BIRC6: variants seen among roughly 807,000 people sequenced by gnomAD.
BIRC6 encodes baculoviral IAP repeat containing 6, also known as dual E2 ubiquitin-conjugating enzyme/E3 ubiquitin-protein ligase BIRC6.
In BIRC6, 98 loss-of-function variants were observed where a neutral mutation model predicts 503.3. That is an observed-to-expected ratio of 0.19 (90% CI 0.17 to 0.23). BIRC6 has a LOEUF of 0.23. BIRC6 is among the 10% of genes least tolerant of loss of function. The pLI, the probability that BIRC6 is intolerant of heterozygous loss-of-function variation, is 1.00. For synonymous variants in BIRC6, 2,240 were observed against 2,078.7 expected (o/e 1.08, Z -2.11); for missense variants, 5,360 against 5,806.0 (o/e 0.92, Z 2.50).
chr2:32,551,804 G>A (rs915435272), intron 65 of BIRC6, among the ~76,000 whole-genome samples: 12 of 151,980 alleles, frequency 7.9e-5, no homozygotes, highest in Non-Finnish European at 1.3e-4. Context: ...CTGTAATCTG[G>A]AAGAGTTCCT....
intron 9 of BIRC6, among the ~76,000 whole-genome samples, chr2:32,412,741 A>C (rs2042023215): frequency 6.6e-6 from 1 of 152,092 alleles, no homozygotes; most frequent in Non-Finnish European, 1.5e-5. Context: ...AGAGAGAAGA[A>C]ATGGTGCTTA....
At position 32,529,762 on chromosome 2, in the gene BIRC6, G is replaced by A. The variant is rs756738818; in HGVS notation, c.12032G>A (p.Arg4011Lys). The stretch of plus-strand genomic sequence containing the variant: ...GATCTGACTGTTAAATTGGGATCAA[G>A]AGTTATAACAGACCCCAGTCTATCA... ...SIDLTVKLGS[R>K]VITDPSLSKT... The change falls in exon 60 of 74, where the codon AGA (arginine) becomes AAA (lysine). Residue 4011 changes from arginine to lysine, a missense_variant. Arg to Lys is a conservative substitution (Grantham distance 26, BLOSUM62 2). Around this residue, in one of 16 missense-constraint regions of BIRC6, gnomAD observed 878 missense variants for 928.9 expected, o/e 0.95. Transcript: ENST00000421745. The A allele has an allele frequency of 3.7e-6, 6 of 1,613,250 alleles. No homozygotes were observed. The highest frequency in any genetic ancestry group is 1.7e-5 in the Admixed American group (1 of 59,932).
intron 65 of BIRC6, among the ~76,000 whole-genome samples, chr2:32,555,839 C>G (rs1356303080): frequency 6.7e-6 from 1 of 149,250 alleles, no homozygotes; most frequent in African/African-American, 2.5e-5. Context: ...AAGTGGGATC[C>G]CAGGAGGGCG....
rs552709861 is a variant in BIRC6 at position 32,357,961 on chromosome 2, G to A, written c.325+475G>A. On this transcript the variant is annotated intron_variant, in intron 1 of 73. Transcript: ENST00000421745. This position sits in a 1 kb window ranked among gnomAD's most constrained non-coding sequence, Gnocchi z 4.9. ...CCAAGCCCTCCCTTGTGGGAGAGGAGCCGGCAGTCTGCTGTTCTCAGGTCC... is the reference window on the plus strand; with the variant it reads ...CCAAGCCCTCCCTTGTGGGAGAGGAACCGGCAGTCTGCTGTTCTCAGGTCC... Among the ~76,000 whole-genome samples, 8 of 144,964 alleles carry A rather than the reference G, an allele frequency of 5.5e-5. No homozygotes were observed. In the South Asian group the frequency reaches 1.6e-3, roughly 29 times the overall value.
At chr2:32,461,343 AGTGTGTGTGTGTGT>A (rs373274536) in intron 23 of BIRC6, among the ~76,000 whole-genome samples, 35 of 132,130 alleles carry the variant, frequency 2.6e-4, no homozygotes, top group Admixed American at 1.5e-3. Context: ...ATGCCTGGCT[AGTGTGTGTGTGTGT>A]GTGTGTGTGT....
chr2:32,421,034 A>G (rs1441918235), intron 10 of BIRC6, among the ~76,000 whole-genome samples: 1 of 87,498 alleles, frequency 1.1e-5, no homozygotes, highest in Non-Finnish European at 2.5e-5. Context: ...TTTCCATTTT[A>G]TTGTTATTAT....
At chr2:32,504,207 G>A (rs987117444) in intron 49 of BIRC6, among the ~76,000 whole-genome samples, 4 of 151,750 alleles carry the variant, frequency 2.6e-5, no homozygotes, top group Non-Finnish European at 5.9e-5. Context: ...CCTTAAAGTA[G>A]TACTATCTTT....
At chr2:32,413,176 ATTTTTTTT>A (rs766213127) in intron 9 of BIRC6, among the ~76,000 whole-genome samples, 1 of 122,074 alleles carries the variant, frequency 8.2e-6, no homozygotes, top group Non-Finnish European at 1.7e-5. Context: ...TGCCCGGCTA[ATTTTTTTT>A]TTTTTTTTTT....
intron 3 of BIRC6, among the ~76,000 whole-genome samples, chr2:32,382,366 A>C (rs1432386326): frequency 6.6e-6 from 1 of 152,198 alleles, no homozygotes; most frequent in African/African-American, 2.4e-5. Flanking sequence ...AACCAAACCA[A>C]AACAAAATGC....
chr2:32,433,769 T>A lies in BIRC6; in HGVS notation c.3374T>A (p.Leu1125Gln). 1.9e-6 allele frequency: 3 copies of A among 1,588,650 alleles called. No individual in the cohort carries two copies. Among genetic ancestry groups the A allele is most frequent in the Non-Finnish European group, 2.6e-6 (3 of 1,161,618 alleles). ...TNIPQIQVTL[L>Q]KNKAPGLGKV... ...ATTCCACAGATACAAGTGACACTGC[T>A]GAAAAATAAAGCTCCAGGATTAGGG... Residue 1125 changes from leucine to glutamine, a missense_variant, in exon 13 of 74, where the codon CTG becomes CAG. Transcript: ENST00000421745.
chr2:32,363,329 C>G (rs2034403550), intron 1 of BIRC6, among the ~76,000 whole-genome samples: 1 of 151,676 alleles, frequency 6.6e-6, no homozygotes, highest in African/African-American at 2.4e-5. Context: ...CTCAAACAAA[C>G]AAACAAAAAC....
intron 1 of BIRC6, among the ~76,000 whole-genome samples, chr2:32,358,024 C>T (rs2033406919): frequency 7.4e-5 from 1 of 13,458 alleles, no homozygotes; most frequent in African/African-American, 3.7e-4. Context: ...GTGCGCCCAG[C>T]GTGGGGGTGG....
chr2:32,607,921 G>A (rs1350127609), intron 72 of BIRC6, among the ~76,000 whole-genome samples: 3 of 127,712 alleles, frequency 2.3e-5, no homozygotes, highest in Non-Finnish European at 4.6e-5. Context: ...GCAGAGAGCT[G>A]AGACTGCACC....
intron 71 of BIRC6, among the ~76,000 whole-genome samples, chr2:32,603,580 C>T (rs962552518): frequency 2.0e-5 from 3 of 151,938 alleles, no homozygotes; most frequent in Non-Finnish European, 2.9e-5. Context: ...ATTAGCCGGA[C>T]GAGGTGGTGC....
chr2:32,446,277 C>G (rs2045935734), intron 21 of BIRC6, among the ~76,000 whole-genome samples: 1 of 152,176 alleles, frequency 6.6e-6, no homozygotes, highest in African/African-American at 2.4e-5. Context: ...GTCTGTTTCT[C>G]TGTGCACTTT....
intron 8 of BIRC6, among the ~76,000 whole-genome samples, chr2:32,405,424 C>T (rs1327413890): frequency 6.6e-6 from 1 of 152,180 alleles, no homozygotes; most frequent in African/African-American, 2.4e-5. Flanking sequence ...TTTCCCCCAG[C>T]CGCCGCAAAA....
chr2:32,445,643 C>G lies in BIRC6; in HGVS notation c.4459C>G (p.Pro1487Ala), dbSNP rs201858134. The change falls in exon 21 of 74, where the codon CCA (proline) becomes GCA (alanine). Residue 1487 changes from proline (P) to alanine (A), a missense_variant. Physicochemically the swap from Pro to Ala is conservative, Grantham distance 27 (BLOSUM62 -1). This residue lies in a region of BIRC6 where 2,299 missense variants were observed against 2,267.2 expected (regional missense o/e 1.01). Transcript: ENST00000421745. ...VSRQLQDRLT[P>A]MEALLQTRYG... ...CAGACAGTTACAGGACAGGCTAACACCAATGGAGGCTTTACTTCAGACAAG... is the reference window on the plus strand; with the variant it reads ...CAGACAGTTACAGGACAGGCTAACAGCAATGGAGGCTTTACTTCAGACAAG... 5.1e-6 allele frequency: 8 copies of G among 1,566,320 alleles called. No homozygotes were observed. The East Asian group carries it at 1.8e-4, about 36-fold the overall frequency.
intron 66 of BIRC6, among the ~76,000 whole-genome samples, chr2:32,586,018 T>G (rs892237161): frequency 6.6e-6 from 1 of 152,194 alleles, no homozygotes; most frequent in East Asian, 1.9e-4. Flanking sequence ...CTTCTAAGCC[T>G]TCTGATACTG....
intron 9 of BIRC6, among the ~76,000 whole-genome samples, chr2:32,410,680 C>T (rs2041760006): frequency 6.6e-6 from 1 of 151,382 alleles, no homozygotes; most frequent in African/African-American, 2.4e-5. Context: ...ATCTCAGTTG[C>T]TTATTGCTCT....
Sources: gnomAD v4.1 joint callset for allele counts (sites outside exome capture counted in the v4.1 genomes callset) on GRCh38, gnomAD v4.1.1 for gene constraint, gnomAD v4.1.1 regional missense constraint, Gnocchi (gnomAD v3.1) non-coding constraint, MANE v1.5 for transcripts, NCBI Gene and HGNC (gene_info 2026-07-23, HGNC 2026-07-21) for gene names.